Variants in RABEP1 observed in about 807,000 individuals in gnomAD.
The protein encoded by RABEP1 is rabaptin, RAB GTPase binding effector protein 1.
A neutral mutation model predicts 123.4 loss-of-function variants in RABEP1; 51 were observed. The observed-to-expected ratio is 0.41, with a 90% CI of 0.33 to 0.52. The LOEUF (loss-of-function observed/expected upper bound fraction) is 0.52. Among genes scored for constraint, RABEP1 ranks in the 20% least tolerant of loss-of-function variants. The pLI is 0.16. For missense variants in RABEP1, 888 were observed against 996.3 expected (o/e 0.89, Z 1.46); for synonymous variants, 347 against 355.2 (o/e 0.98, Z 0.26).
intron 1 of RABEP1, among the ~76,000 whole-genome samples, chr17:5,301,944 G>C (rs773824005): frequency 4.6e-5 from 7 of 152,140 alleles, no homozygotes; most frequent in Non-Finnish European, 8.8e-5. Context: ...AAAAAAGCTA[G>C]AGTAGATTTA....
rs1361570537 is a variant in RABEP1, at chr17:5,384,791, T to A, written c.*1568T>A. ...TTTTAATTGGTTTAAAGTCCCTTTA[T>A]AAAGAGTGCTACATGGTTTAGATAA... On this transcript the variant is annotated 3_prime_UTR_variant, in exon 18 of 18. Transcript: ENST00000537505. The A allele has an allele frequency of 4.6e-6, 1 of 215,898 alleles. No homozygotes were observed. The highest frequency in any genetic ancestry group is 2.2e-5 in the African/African-American group (1 of 44,542). The allele number at this position is 215,898 out of a possible 1,614,324, so 13.4% of individuals were successfully genotyped here.
At chr17:5,306,795 T>A (rs2075183393) in intron 1 of RABEP1, among the ~76,000 whole-genome samples, 1 of 152,156 alleles carries the variant, frequency 6.6e-6, no homozygotes, top group Admixed American at 6.5e-5. Flanking sequence ...ATACCACCAA[T>A]TTAATAATGA....
chr17:5,300,061 T>C (rs765801241), intron 1 of RABEP1, among the ~76,000 whole-genome samples: 11 of 152,122 alleles, frequency 7.2e-5, no homozygotes, highest in Non-Finnish European at 1.3e-4. Flanking sequence ...TTCTCTCTGA[T>C]TGGACTCCAG....
At chr17:5,372,959 T>C (rs1383351645) in intron 12 of RABEP1, among the ~76,000 whole-genome samples, 2 of 152,136 alleles carry the variant, frequency 1.3e-5, no homozygotes, top group African/African-American at 2.4e-5. Flanking sequence ...GGTTTCACTG[T>C]TTTGCCCAGG....
Position 5,385,378 on chromosome 17 carries a change from A to C in RABEP1, c.*2155A>C. ...ATTCAGTCTGTGCCTACATGTTCTCATGCATGTCTAACCTGATTTACCTCT... is the reference window on the plus strand; with the variant it reads ...ATTCAGTCTGTGCCTACATGTTCTCCTGCATGTCTAACCTGATTTACCTCT... On this transcript the variant is annotated 3_prime_UTR_variant, in exon 18 of 18. Transcript: ENST00000537505. 1 of 230,466 alleles carries C rather than the reference A, an allele frequency of 4.3e-6. No homozygotes were observed. Among genetic ancestry groups the C allele is most frequent in the Non-Finnish European group, 8.6e-6 (1 of 116,344 alleles). The allele number at this position is 230,466 out of a possible 1,614,324, so 14.3% of individuals were successfully genotyped here.
chr17:5,299,887 G>C (rs2075121211), intron 1 of RABEP1, among the ~76,000 whole-genome samples: 1 of 151,320 alleles, frequency 6.6e-6, no homozygotes, highest in South Asian at 2.1e-4. Flanking sequence ...CTGCCACCAT[G>C]CCCGGCTAAT....
At position 5,373,327 on chromosome 17, in the gene RABEP1, A is replaced by G. The variant is rs1597294271; in HGVS notation, c.1898A>G (p.Gln633Arg). Residue 633 changes from glutamine to arginine, a missense_variant, in exon 13 of 18, where the codon CAG (glutamine) becomes CGG (arginine). By Grantham distance (43) the Gln-to-Arg change is conservative. Transcript: ENST00000537505. ...DVQEQMAVLMQSREQVSEELV... is the reference protein window; with the variant it reads ...DVQEQMAVLMRSREQVSEELV... ...CTTCTATTTTAGGCGGTGCTGATGC[A>G]GTCACGGGAACAGGTTTCAGAAGAG... is the stretch of plus-strand genomic sequence containing the variant. The G allele has an allele frequency of 1.9e-6, 3 of 1,613,210 alleles. No individual in the cohort carries two copies. The highest frequency in any genetic ancestry group is 2.5e-6 in the Non-Finnish European group (3 of 1,179,792).
intron 15 of RABEP1, among the ~76,000 whole-genome samples, chr17:5,379,159 T>A (rs1254968114): frequency 6.6e-6 from 1 of 152,118 alleles, no homozygotes; most frequent in East Asian, 1.9e-4. Context: ...CCCCTCACTC[T>A]CAGCAGATGC....
chr17:5,350,222 T>C (rs1346844573), intron 6 of RABEP1, among the ~76,000 whole-genome samples: 2 of 151,904 alleles, frequency 1.3e-5, no homozygotes, highest in Non-Finnish European at 2.9e-5. Flanking sequence ...CTACTAAAAA[T>C]ACAAAAAATT....
At chr17:5,366,559 C>T (rs1467709703) in intron 11 of RABEP1, among the ~76,000 whole-genome samples, 1 of 152,034 alleles carries the variant, frequency 6.6e-6, no homozygotes, top group East Asian at 1.9e-4. Flanking sequence ...AGTTTTCCTG[C>T]CTCAGCCTCC....
In RABEP1 at chr17:5,373,579, C is replaced by T. The variant is rs1910707594; in HGVS notation, c.2025+125C>T. 5 of 1,111,126 alleles carry T rather than the reference C, an allele frequency of 4.5e-6. No individual in the cohort carries two copies. In the South Asian group the frequency reaches 6.7e-5, roughly 15 times the overall value. 68.8% of individuals were successfully genotyped at this position (1,111,126 alleles called of 1,614,324 possible). A position where few individuals can be genotyped will look rare whatever the true frequency, so the allele number is the denominator to read the frequency against. On this transcript the variant is annotated intron_variant, in intron 13 of 17. Coordinates refer to ENST00000537505, the MANE Select transcript of RABEP1 (RefSeq NM_004703.6). ...TGCCAATTCAACCATTTAAAATGTA[C>T]CATTCAGTGGTTTTTGCTGTACTCA...
At chr17:5,332,888 G>A (rs890873262) in intron 3 of RABEP1, among the ~76,000 whole-genome samples, 2 of 152,102 alleles carry the variant, frequency 1.3e-5, no homozygotes, top group Non-Finnish European at 2.9e-5. Context: ...GGGATTACAT[G>A]TGTGAGCCAC....
chr17:5,367,840 T>G (rs116001979), intron 11 of RABEP1, among the ~76,000 whole-genome samples: 1 of 150,710 alleles, frequency 6.6e-6, no homozygotes, highest in Non-Finnish European at 1.5e-5. Flanking sequence ...CTGCAACCTC[T>G]GCCTCCCGGT....
rs544477588 is a variant in RABEP1 at position 5,367,779 on chromosome 17, G to T, written c.1786-591G>T. 1.3e-5 allele frequency among the ~76,000 whole-genome samples: 2 copies of T among 150,232 alleles called. 1 individual carries two copies. The highest frequency in any genetic ancestry group is 4.4e-4 in the South Asian group (2 of 4,540). ...CTCTTTTTTTTTTAAACCCGAGATG[G>T]AGTTTTGCTCTTGTTGCCCAGGCTA... On this transcript the variant is annotated intron_variant, in intron 11 of 17. Transcript: ENST00000537505.
intron 2 of RABEP1, among the ~76,000 whole-genome samples, chr17:5,325,889 CAGAAGACCCAAACACCTCACTAA>C (rs1298407176): frequency 6.6e-6 from 1 of 152,046 alleles, no homozygotes; most frequent in East Asian, 1.9e-4. Flanking sequence ...ACCAAATGGG[CAGAAGACCCAAACACCTCACTAA>C]AGAGTCTATA....
At chr17:5,299,936 G>A (rs2144494071) in intron 1 of RABEP1, among the ~76,000 whole-genome samples, 1 of 151,700 alleles carries the variant, frequency 6.6e-6, no homozygotes, top group South Asian at 2.1e-4. Context: ...CACCATGTGT[G>A]CCAGGATGCT....
At position 5,331,732 on chromosome 17, in the gene RABEP1, C is replaced by T. The variant is rs761876238; in HGVS notation, c.164-217C>T. On this transcript the variant is annotated intron_variant, in intron 2 of 17. Transcript: ENST00000537505. ...TTCATTTAGTCAGCAGACGGGAATG[C>T]GTAAATTGAGCTCTAAAACCATGAC... Among the ~76,000 whole-genome samples, 133 of 151,986 alleles carry T rather than the reference C, an allele frequency of 8.8e-4. 2 individuals carry two copies. The highest frequency in any genetic ancestry group is 1.0e-3 in the Non-Finnish European group (70 of 68,000).
In RABEP1 at chr17:5,332,376, T is replaced by C. The variant is rs147060011; in HGVS notation, c.367+224T>C. 1.7e-3 allele frequency among the ~76,000 whole-genome samples: 261 copies of C among 152,264 alleles called. 1 individual carries two copies. Among genetic ancestry groups the C allele is most frequent in the African/African-American group, 5.7e-3 (236 of 41,544 alleles). On this transcript the variant is annotated intron_variant, in intron 3 of 17. Transcript: ENST00000537505. Reference sequence around the variant, plus strand: ...ATGGAGAGTTATAATAGGGATGTTATAGAGATAATGCATTAAATGAGGACT... The same window carrying C: ...ATGGAGAGTTATAATAGGGATGTTACAGAGATAATGCATTAAATGAGGACT...
chr17:5,345,975 T>C (rs974093728), intron 5 of RABEP1, among the ~76,000 whole-genome samples: 1 of 152,230 alleles, frequency 6.6e-6, no homozygotes. Context: ...TTTTTGGTTA[T>C]AACTTTCCTA....
Sources: allele counts gnomAD v4.1 joint callset (sites outside exome capture counted in the v4.1 genomes callset), GRCh38; gene constraint gnomAD v4.1.1; transcripts MANE v1.5; gene names NCBI Gene and HGNC (gene_info 2026-07-23, HGNC 2026-07-21).